The following PKLR variants were observed in gnomAD, a reference collection of about 807,000 sequenced individuals.
PKLR encodes pyruvate kinase L/R.
Under a neutral mutation model 53.6 loss-of-function variants are expected in PKLR, and 38 were observed. The ratio of observed to expected loss-of-function variants is 0.71; its 90% CI spans 0.55 to 0.93. The LOEUF (loss-of-function observed/expected upper bound fraction) is 0.93, where lower values mean the gene tolerates loss of function less well. PKLR is among the 40% of genes least tolerant of loss of function. The probability of loss-of-function intolerance (pLI) is 0.00; values close to 1 mark genes in which losing one functional copy is unlikely to be tolerated. For synonymous variants in PKLR, 328 were observed against 316.2 expected (o/e 1.04, Z -0.39); for missense variants, 702 against 787.3 (o/e 0.89, Z 1.30).
At position 155,295,835 on chromosome 1, in the gene PKLR, A is replaced by C; in HGVS notation, c.284-79T>G. ...CCAAACCCAACCCATTACCATTCTC[A>C]GAACGCCTCACGCCACAGGCGTCCT... is the stretch of plus-strand genomic sequence containing the variant. On this transcript the variant is annotated intron_variant, in intron 2 of 10. Coordinates refer to ENST00000342741, the MANE Select transcript of PKLR (RefSeq NM_000298.6). This position sits in a 1 kb window ranked among gnomAD's most constrained non-coding sequence, Gnocchi z 4.3. 6 of 1,233,256 alleles carry C rather than the reference A, an allele frequency of 4.9e-6. No homozygotes were observed. Among genetic ancestry groups the C allele is most frequent in the Non-Finnish European group, 7.2e-6 (6 of 837,608 alleles). The allele number at this position is 1,233,256 out of a possible 1,614,324, so 76.4% of individuals were successfully genotyped here.
intron 1 of PKLR, 155 bp downstream of exon 1, chr1:155,301,141 A>G: frequency 7.5e-7 from 1 of 1,339,048 alleles, no homozygotes; most frequent in South Asian, 1.3e-5. Context: ...CAGGGTCCAT[A>G]ATTTAACACA....
chr1:155,301,529 C>T, upstream of PKLR: 1 of 1,154,802 alleles, frequency 8.7e-7, no homozygotes, highest in Non-Finnish European at 1.3e-6. Context: ...CCCACAGAAT[C>T]CCTCCCCCAG....
chr1:155,298,912 G>T (rs948499547), intron 2 of PKLR, among the ~76,000 whole-genome samples: 2 of 152,084 alleles, frequency 1.3e-5, no homozygotes, highest in Non-Finnish European at 2.9e-5. Context: ...CAAAGTGCTG[G>T]GATTATAGGC....
rs751786807 is a variant in PKLR at position 155,301,416 on chromosome 1, G to A, written c.-21C>T. On this transcript the variant is annotated 5_prime_UTR_variant, in exon 1 of 11. Transcript: ENST00000342741. Reference sequence around the variant, plus strand: ...GACATGCTTTCAGTGTGGGCCTGGGGCTGCGGGACCATGGAATGAGAGGGA... The same window carrying A: ...GACATGCTTTCAGTGTGGGCCTGGGACTGCGGGACCATGGAATGAGAGGGA... 3.7e-5 allele frequency: 59 copies of A among 1,613,910 alleles called. No homozygotes were observed. Among genetic ancestry groups the A allele is most frequent in the Admixed American group, 6.7e-5 (4 of 59,980 alleles).
intron 2 of PKLR, among the ~76,000 whole-genome samples, chr1:155,296,251 T>G (rs1034811096): frequency 5.9e-5 from 9 of 152,196 alleles, no homozygotes; most frequent in African/African-American, 1.9e-4. Context: ...TTTCCACTTG[T>G]GCACTAGGTC....
upstream of PKLR, among the ~76,000 whole-genome samples, chr1:155,306,057 G>A (rs369146722): frequency 1.3e-5 from 2 of 152,138 alleles, no homozygotes; most frequent in African/African-American, 4.8e-5. This position sits in a 1 kb window ranked among gnomAD's most constrained non-coding sequence, Gnocchi z 4.2. Flanking sequence ...AAAGCAGCCC[G>A]TGTCCTGTCC....
Position 155,293,077 on chromosome 1 carries a change from C to G in PKLR, c.1436+100G>C. 4 of 1,237,748 alleles carry G rather than the reference C, an allele frequency of 3.2e-6. No individual in the cohort carries two copies. The South Asian group carries it at 4.8e-5, about 15-fold the overall frequency. 76.7% of individuals were successfully genotyped at this position (1,237,748 alleles called of 1,614,324 possible). A position where few individuals can be genotyped will look rare whatever the true frequency, so the allele number is the denominator to read the frequency against. On this transcript the variant is annotated intron_variant, in intron 9 of 10. Coordinates refer to ENST00000342741, the MANE Select transcript of PKLR (RefSeq NM_000298.6). This position sits in a 1 kb window ranked among gnomAD's most constrained non-coding sequence, Gnocchi z 4.2. ...CCTCTCCTCTTGTCTCAGGTGGACA[C>G]TCTTCACCCCTGGTGACCAGACTAA...
chr1:155,308,008 C>T, the PKLR span, among the ~76,000 whole-genome samples: 5 of 151,536 alleles, frequency 3.3e-5, no homozygotes, highest in Non-Finnish European at 5.9e-5. Flanking sequence ...GATTCCTGAC[C>T]GCAGGTGATC....
rs760728696 is a variant in PKLR at position 155,301,402 on chromosome 1, A to G, written c.-7T>C. 1.2e-6 allele frequency: 2 copies of G among 1,613,958 alleles called. No homozygotes were observed. Among genetic ancestry groups the G allele is most frequent in the Non-Finnish European group, 1.7e-6 (2 of 1,179,950 alleles). On this transcript the variant is annotated 5_prime_UTR_variant, in exon 1 of 11. Coordinates refer to ENST00000342741, the MANE Select transcript of PKLR (RefSeq NM_000298.6). The stretch of plus-strand genomic sequence containing the variant: ...TGTTCTCCTGGATCGACATGCTTTC[A>G]GTGTGGGCCTGGGGCTGCGGGACCA...
chr1:155,298,358 C>T (rs1374087737), intron 2 of PKLR, among the ~76,000 whole-genome samples: 2 of 146,342 alleles, frequency 1.4e-5, no homozygotes, highest in African/African-American at 5.1e-5. Flanking sequence ...GACGGAGTTT[C>T]GCTCTTGTTG....
upstream of PKLR, among the ~76,000 whole-genome samples, chr1:155,304,120 C>T (rs1648167351): frequency 6.6e-6 from 1 of 151,982 alleles, no homozygotes; most frequent in Non-Finnish European, 1.5e-5. Flanking sequence ...TGGTTTAGGT[C>T]CCTCCCGCTG....
At chr1:155,296,424 C>T (rs550153962) in intron 2 of PKLR, among the ~76,000 whole-genome samples, 88 of 152,180 alleles carry the variant, frequency 5.8e-4, no homozygotes, top group African/African-American at 2.1e-3. Context: ...CTCACTGCAA[C>T]CTCTGCCTCC....
At chr1:155,304,208 G>C (rs901469877), upstream of PKLR, among the ~76,000 whole-genome samples, 2 of 152,062 alleles carry the variant, frequency 1.3e-5, no homozygotes, top group Non-Finnish European at 2.9e-5. Flanking sequence ...CAAGGCAGGC[G>C]GATCACCTGA....
In PKLR at chr1:155,294,359, T is replaced by C. The variant is rs1443439423; in HGVS notation, c.992A>G (p.Asp331Gly). ...KRFDEILEVSDGIMVARGDLG... is the reference protein window; with the variant it reads ...KRFDEILEVSGGIMVARGDLG... ...GTCCCCCCGTGCCACCATGATGCCGTCGCTCACCTCCAGGATTTCATCAAA... is the reference window on the plus strand; with the variant it reads ...GTCCCCCCGTGCCACCATGATGCCGCCGCTCACCTCCAGGATTTCATCAAA... The change falls in exon 7 of 11, where the codon GAC becomes GGC. Residue 331 changes from aspartate to glycine, a missense_variant. Coordinates refer to ENST00000342741, the MANE Select transcript of PKLR (RefSeq NM_000298.6). 1.2e-6 allele frequency: 2 copies of C among 1,614,012 alleles called. No individual in the cohort carries two copies. Among genetic ancestry groups the C allele is most frequent in the South Asian group, 2.2e-5 (2 of 91,070 alleles).
upstream of PKLR, among the ~76,000 whole-genome samples, chr1:155,303,775 G>A (rs1300462325): frequency 2.0e-5 from 3 of 152,032 alleles, no homozygotes; most frequent in African/African-American, 4.8e-5. Flanking sequence ...ACAGGTGCAC[G>A]CCACCATGCC....
At chr1:155,301,173 C>T (rs933385580) in intron 1 of PKLR, 123 bp downstream of exon 1, 45 of 1,353,814 alleles carry the variant, frequency 3.3e-5, no homozygotes, top group Admixed American at 1.3e-4. Context: ...GAAGAACGTA[C>T]GTTCCTCTCC....
chr1:155,308,507 T>TA, the PKLR span: 1 of 962,448 alleles, frequency 1.0e-6, no homozygotes, highest in Non-Finnish European at 1.2e-6. Context: ...TGCCTAAAGT[T>TA]AGAGAACTAA....
the PKLR span, among the ~76,000 whole-genome samples, chr1:155,308,228 A>ATT: frequency 1.8e-4 from 26 of 143,908 alleles, no homozygotes; most frequent in Non-Finnish European, 2.7e-4. Flanking sequence ...CGCCCGACTA[A>ATT]TTTTTTTTTT....
chr1:155,290,933 G>A (rs1674505415), intron 10 of PKLR, among the ~76,000 whole-genome samples: 2 of 148,040 alleles, frequency 1.4e-5, no homozygotes, highest in Non-Finnish European at 3.0e-5. Context: ...AGGTTGCAGT[G>A]AGCCGAGATC....
Sources: gnomAD v4.1 joint callset for allele counts (sites outside exome capture counted in the v4.1 genomes callset) on GRCh38, gnomAD v4.1.1 for gene constraint, Gnocchi (gnomAD v3.1) non-coding constraint, MANE v1.5 for transcripts, NCBI Gene and HGNC (gene_info 2026-07-23, HGNC 2026-07-21) for gene names.